The following RBFOX1 variants were observed in gnomAD, a reference collection of about 807,000 sequenced individuals.
RBFOX1 encodes the protein RNA binding protein fox-1 homolog 1.
Under a neutral mutation model 57.7 loss-of-function variants are expected in RBFOX1, and 8 were observed. The observed-to-expected ratio is 0.14, with a 90% confidence interval of 0.08 to 0.25. RBFOX1 has a LOEUF of 0.25. RBFOX1 is among the 10% of genes least tolerant of loss of function. The probability of loss-of-function intolerance (pLI) is 1.00; values close to 1 mark genes in which losing one functional copy is unlikely to be tolerated. For synonymous variants in RBFOX1, 326 were observed against 222.4 expected (o/e 1.47, Z -4.15); for missense variants, 611 against 548.5 (o/e 1.11, Z -1.14).
At chr16:7,569,281 C>A (rs1293303354) in intron 5 of RBFOX1, among the ~76,000 whole-genome samples, 2 of 152,122 alleles carry the variant, frequency 1.3e-5, no homozygotes, top group African/African-American at 2.4e-5. Context: ...TGGGAATCAC[C>A]AGGTTTACAA....
chr16:6,634,537 ATTTT>A (rs917261453), intron 2 of RBFOX1, among the ~76,000 whole-genome samples: 1 of 148,274 alleles, frequency 6.7e-6, no homozygotes, highest in Non-Finnish European at 1.5e-5. Context: ...ATACTTTTAT[ATTTT>A]TTAATTTAAA....
intron 2 of RBFOX1, among the ~76,000 whole-genome samples, chr16:6,373,763 A>G (rs1163386325): frequency 6.6e-6 from 1 of 152,104 alleles, no homozygotes. Context: ...ACGATAAAGG[A>G]TCATTATGTG....
Position 6,140,905 on chromosome 16 carries a change from T to C in RBFOX1, c.-127+120913T>C, listed in dbSNP as rs972668133. Among the ~76,000 whole-genome samples, 5 of 152,188 alleles carry C rather than the reference T, an allele frequency of 3.3e-5. No homozygotes were observed. In the South Asian group the frequency reaches 6.2e-4, roughly 19 times the overall value. On this transcript the variant is annotated intron_variant, in intron 1 of 15. Coordinates refer to ENST00000550418, the MANE Select transcript of RBFOX1 (RefSeq NM_018723.4). ...TCTGAGTGCTGTGCAAATAACCATC[T>C]CACAGGTGACCAAGGGACACTCCAG...
rs540957732 is a variant in RBFOX1, at chr16:7,320,205, C to G, written c.28-197942C>G. 3.3e-4 allele frequency among the ~76,000 whole-genome samples: 50 copies of G among 152,216 alleles called. 1 individual carries two copies. The highest frequency in any genetic ancestry group is 1.2e-3 in the African/African-American group (50 of 41,522). ...AGGTATTAAGCCCCATGTTCATCAG[C>G]TATTTATCCTGATGCTCTCCCTTCC... On this transcript the variant is annotated intron_variant, in intron 4 of 15. Transcript: ENST00000550418.
chr16:6,660,540 T>G (rs1282510567), intron 3 of RBFOX1, among the ~76,000 whole-genome samples: 2 of 152,174 alleles, frequency 1.3e-5, no homozygotes. Flanking sequence ...GTACATAGCC[T>G]TTGGAGCTTG....
rs1007355494 is a variant in RBFOX1, at chr16:6,484,021, G to A, written c.-64+166964G>A. 2.2e-5 allele frequency: 18 copies of A among 836,744 alleles called. No homozygotes were observed. The African/African-American group carries it at 3.3e-4, about 15-fold the overall frequency. 51.8% of individuals were successfully genotyped at this position (836,744 alleles called of 1,614,324 possible). ...CTGGACACTTGGAGAGGGCTAGGGG[G>A]CGTTTAGAGGGATTGGGGAGCCCGG... is the stretch of plus-strand genomic sequence containing the variant. On this transcript the variant is annotated intron_variant, in intron 2 of 15. Transcript: ENST00000550418.
intron 4 of RBFOX1, among the ~76,000 whole-genome samples, chr16:7,302,546 A>C (rs1459503601): frequency 6.6e-6 from 1 of 151,894 alleles, no homozygotes; most frequent in African/African-American, 2.4e-5. Context: ...CCTGCAGGTC[A>C]GTGAGAAGCT....
rs556398418 is a variant in RBFOX1, at chr16:5,582,161, G to A, written c.259-16741G>A. Among the ~76,000 whole-genome samples the A allele has an allele frequency of 5.9e-5, 9 of 152,300 alleles. No individual in the cohort carries two copies. In the East Asian group the frequency reaches 1.5e-3, roughly 26 times the overall value. On this transcript the variant is annotated intron_variant, in intron 2 of 2. Coordinates refer to the RBFOX1 transcript ENST00000585867. Reference sequence around the variant, plus strand: ...AATCCCAGGGACTTGTATTACTCTCGCCCCGGGAGTACCAGACCTCACTCC... The same window carrying A: ...AATCCCAGGGACTTGTATTACTCTCACCCCGGGAGTACCAGACCTCACTCC...
chr16:5,722,594 G>A (rs1467260926), intron 3 of RBFOX1, among the ~76,000 whole-genome samples: 1 of 152,136 alleles, frequency 6.6e-6, no homozygotes, highest in African/African-American at 2.4e-5. Context: ...CTTTATCAGT[G>A]AAATCTTTTG....
intron 4 of RBFOX1, among the ~76,000 whole-genome samples, chr16:7,430,009 T>G (rs1461814198): frequency 6.6e-6 from 1 of 152,206 alleles, no homozygotes; most frequent in Non-Finnish European, 1.5e-5. Context: ...TAGGGCCATT[T>G]GTCATCATAG....
At chr16:7,447,280 A>G (rs1382650312) in intron 4 of RBFOX1, among the ~76,000 whole-genome samples, 1 of 151,892 alleles carries the variant, frequency 6.6e-6, no homozygotes, top group Admixed American at 6.6e-5. Context: ...TAAAAATACA[A>G]AAATTAGCCA....
chr16:6,483,567 TA>T (rs2095409725), intron 2 of RBFOX1: 1 of 1,533,190 alleles, frequency 6.5e-7, no homozygotes, highest in Non-Finnish European at 8.7e-7. Context: ...AAGAAGACTC[TA>T]AAACACTGTC....
At chr16:7,167,768 G>A (rs1365853640) in intron 4 of RBFOX1, among the ~76,000 whole-genome samples, 1 of 152,114 alleles carries the variant, frequency 6.6e-6, no homozygotes, top group Non-Finnish European at 1.5e-5. Context: ...TTTACGTATT[G>A]TCTATGGCTG....
intron 4 of RBFOX1, among the ~76,000 whole-genome samples, chr16:7,449,477 C>T (rs1338034752): frequency 2.6e-5 from 4 of 152,206 alleles, no homozygotes; most frequent in Admixed American, 1.3e-4. Context: ...GTTTCACTAA[C>T]GCGCCCCTTG....
At chr16:6,616,048 CAG>C (rs1183046381) in intron 2 of RBFOX1, among the ~76,000 whole-genome samples, 1 of 152,168 alleles carries the variant, frequency 6.6e-6, no homozygotes, top group Non-Finnish European at 1.5e-5. Context: ...TTAGGAAAGT[CAG>C]ACTGTCATCG....
chr16:5,639,918 C>T (rs1245507443), intron 3 of RBFOX1, among the ~76,000 whole-genome samples: 3 of 152,210 alleles, frequency 2.0e-5, no homozygotes, highest in African/African-American at 4.8e-5. Context: ...AAACATTGTG[C>T]TAACCAGGCA....
intron 1 of RBFOX1, among the ~76,000 whole-genome samples, chr16:6,023,267 C>CTA (rs58852639): frequency 0.11 from 16,629 of 147,464 alleles, 1,960 homozygotes; most frequent in African/African-American, 0.3. Context: ...ATAATTGAAG[C>CTA]TATATATATA....
chr16:7,407,011 GACTA>G (rs1568684594), intron 4 of RBFOX1, among the ~76,000 whole-genome samples: 1 of 152,100 alleles, frequency 6.6e-6, no homozygotes, highest in African/African-American at 2.4e-5. Flanking sequence ...TGAGTATGCT[GACTA>G]ACCCTAAGAT....
At chr16:5,997,292 G>A (rs936402796) in intron 4 of RBFOX1, among the ~76,000 whole-genome samples, 1 of 152,220 alleles carries the variant, frequency 6.6e-6, no homozygotes, top group Non-Finnish European at 1.5e-5. Flanking sequence ...TTAAGGAGAA[G>A]GTAAACAGCC....
Sources: gnomAD v4.1 joint callset for allele counts (sites outside exome capture counted in the v4.1 genomes callset) on GRCh38, gnomAD v4.1.1 for gene constraint, MANE v1.5 for transcripts, NCBI Gene and HGNC (gene_info 2026-07-23, HGNC 2026-07-21) for gene names.